Variants in TTC3 observed in about 807,000 individuals in gnomAD.
The protein encoded by TTC3 is tetratricopeptide repeat domain 3, also known as E3 ubiquitin-protein ligase TTC3.
TTC3 carries 180 observed loss-of-function variants against 249.6 expected under a neutral mutation model. The observed-to-expected ratio is 0.72, with a 90% CI of 0.64 to 0.82. TTC3 has a LOEUF of 0.82. Among genes scored for constraint, TTC3 ranks in the 40% least tolerant of loss-of-function variants. The pLI, the probability that TTC3 is intolerant of heterozygous loss-of-function variation, is 0.00. For missense variants in TTC3, 2,061 were observed against 2,398.4 expected (o/e 0.86, Z 2.94); for synonymous variants, 717 against 805.0 (o/e 0.89, Z 1.85).
chr21:37,123,602 G>GA (rs1401809752), intron 13 of TTC3, among the ~76,000 whole-genome samples: 1 of 152,170 alleles, frequency 6.6e-6, no homozygotes, highest in Admixed American at 6.5e-5. Flanking sequence ...TTGTTCAGAT[G>GA]TCTGGGATAC....
At chr21:37,126,977 C>T (rs2077087936) in intron 15 of TTC3, among the ~76,000 whole-genome samples, 1 of 152,082 alleles carries the variant, frequency 6.6e-6, no homozygotes, top group Non-Finnish European at 1.5e-5. Context: ...GCCTCAGCCT[C>T]CCGAGTAGCT....
chr21:37,182,726 A>G, intron 35 of TTC3, 48 bp from the exon 36 acceptor site: 1 of 1,497,134 alleles, frequency 6.7e-7, no homozygotes. Flanking sequence ...CTCTTTTGTT[A>G]AAAAGTATAT....
rs1262427056 is a variant in TTC3, at chr21:37,140,895, T to C, written c.1772+222T>C. Among the ~76,000 whole-genome samples, 6 of 152,356 alleles carry C rather than the reference T, an allele frequency of 3.9e-5. No homozygotes were observed. The East Asian group carries it at 1.2e-3, about 29-fold the overall frequency. On this transcript the variant is annotated intron_variant, in intron 20 of 45. Transcript: ENST00000355666. ...ACTTCCTGATTTTAAATCTAATAAG[T>C]CAACAATATAGTAATTTGACATTAA...
At chr21:37,170,232 CAGAT>C (rs562957353) in intron 34 of TTC3, among the ~76,000 whole-genome samples, 17 of 152,068 alleles carry the variant, frequency 1.1e-4, no homozygotes, top group Non-Finnish European at 2.2e-4. Flanking sequence ...CAGTGTGAAA[CAGAT>C]AGAGAACTAA....
intron 34 of TTC3, among the ~76,000 whole-genome samples, chr21:37,168,327 AGAG>A (rs2081425324): frequency 1.3e-5 from 2 of 152,302 alleles, no homozygotes; most frequent in South Asian, 2.1e-4. Flanking sequence ...AAGATAGAAA[AGAG>A]GAGATGTGAG....
exon 26 of TTC3, chr21:37,152,003 A>G (rs1307981417): frequency 3.8e-6 from 6 of 1,594,954 alleles, no homozygotes; most frequent in Non-Finnish European, 5.1e-6. Context: ...AGAGAAAGTA[A>G]TCCACCCAAA....
At chr21:37,095,306 T>A (rs763087872) in intron 8 of TTC3, 44 bp from the exon 9 acceptor site, 25 of 1,360,816 alleles carry the variant, frequency 1.8e-5, no homozygotes, top group Non-Finnish European at 6.2e-6. Context: ...TCTTGATGAT[T>A]TTTGGAGGTC....
chr21:37,148,575 C>T (rs1395284492), exon 23 of TTC3: 2 of 1,598,780 alleles, frequency 1.3e-6, no homozygotes, highest in East Asian at 4.5e-5. Flanking sequence ...GTTGCCAGTA[C>T]TGTAAAATAG....
intron 27 of TTC3, 67 bp downstream of exon 27, chr21:37,153,344 T>C (rs780595150): frequency 2.2e-6 from 3 of 1,384,950 alleles, no homozygotes; most frequent in Non-Finnish European, 2.9e-6. Flanking sequence ...CTCTGAGTCA[T>C]TTTCATTTTC....
chr21:37,100,154 G>A (rs11701226), intron 10 of TTC3, among the ~76,000 whole-genome samples: 17,236 of 152,114 alleles, frequency 0.11, 1,186 homozygotes, highest in Non-Finnish European at 0.15. Flanking sequence ...GGGAGGGGTG[G>A]TACACGGTGG....
intron 7 of TTC3, 44 bp from the exon 8 acceptor site, chr21:37,093,961 T>TA (rs200069136): frequency 1.4e-4 from 169 of 1,233,776 alleles, no homozygotes; most frequent in African/African-American, 1.3e-3. Context: ...TGTTTTTTTT[T>TA]AAACAAATGT....
intron 21 of TTC3, among the ~76,000 whole-genome samples, chr21:37,145,916 C>CA (rs1162492488): frequency 1.3e-5 from 2 of 152,188 alleles, no homozygotes; most frequent in Non-Finnish European, 2.9e-5. Flanking sequence ...AAACACCTCC[C>CA]ACTGTGCCTC....
intron 33 of TTC3, 134 bp from the exon 34 acceptor site, chr21:37,167,421 G>A (rs2081345706): frequency 1.2e-5 from 7 of 564,522 alleles, no homozygotes; most frequent in African/African-American, 2.2e-5. Flanking sequence ...TTTACGGAAA[G>A]CATGGAACAT....
intron 1 of TTC3, chr21:37,083,659 A>G (rs1461791213): frequency 6.6e-6 from 1 of 152,428 alleles, no homozygotes; most frequent in African/African-American, 2.4e-5. Flanking sequence ...TTAACTGATA[A>G]ACAGCATACA....
chr21:37,196,959 C>T (rs577341201), intron 42 of TTC3, among the ~76,000 whole-genome samples: 4 of 152,156 alleles, frequency 2.6e-5, no homozygotes, highest in Non-Finnish European at 5.9e-5. Context: ...CTCTGGTTTC[C>T]GCTGTTCAGG....
intron 28 of TTC3, among the ~76,000 whole-genome samples, chr21:37,157,789 A>G (rs936264150): frequency 6.6e-6 from 1 of 152,214 alleles, no homozygotes; most frequent in Non-Finnish European, 1.5e-5. Flanking sequence ...TCACATTAAA[A>G]TGAGATGATT....
rs191531205 is a variant in TTC3, at chr21:37,163,214, C to G, written c.3171-837C>G. 4.4e-4 allele frequency among the ~76,000 whole-genome samples: 67 copies of G among 152,320 alleles called. No homozygotes were observed. The Middle Eastern group carries it at 0.02, about 46-fold the overall frequency. ...TGTCCAATGTACAGATAAGGAAACT[C>G]TGAGGCACAGTGCAGAGCGACTTGC... On this transcript the variant is annotated intron_variant, in intron 31 of 45. Coordinates refer to ENST00000355666, the Ensembl canonical transcript of TTC3.
At chr21:37,091,306 T>A (rs1170773333) in exon 7 of TTC3, 1 of 1,608,566 alleles carries the variant, frequency 6.2e-7, no homozygotes, top group Non-Finnish European at 8.5e-7. Context: ...ATCTTGGCAA[T>A]GGAAGAAGCT....
chr21:37,149,528 A>T lies in TTC3; in HGVS notation c.2119-550A>T, dbSNP rs538895433. Among the ~76,000 whole-genome samples the T allele has an allele frequency of 4.7e-4, 72 of 152,276 alleles. No individual in the cohort carries two copies. The Middle Eastern group carries it at 0.01, about 22-fold the overall frequency. Reference sequence around the variant, plus strand: ...TCTTTTAGTGGTCTTAACTATTCCCATCATTTTAAATACACTCTGTAAATT... The same window carrying T: ...TCTTTTAGTGGTCTTAACTATTCCCTTCATTTTAAATACACTCTGTAAATT... On this transcript the variant is annotated intron_variant, in intron 23 of 45. Coordinates refer to ENST00000355666, the Ensembl canonical transcript of TTC3.
Sources: allele counts gnomAD v4.1 joint callset (sites outside exome capture counted in the v4.1 genomes callset), GRCh38; gene constraint gnomAD v4.1.1; transcripts MANE v1.5; gene names NCBI Gene and HGNC (gene_info 2026-07-23, HGNC 2026-07-21).